Variants in ATP6V1H observed in about 807,000 individuals in gnomAD.
ATP6V1H encodes the protein V-type proton ATPase subunit H.
In ATP6V1H, 39 loss-of-function variants were observed where a neutral mutation model predicts 71.7. The observed-to-expected ratio is 0.54, with a 90% CI of 0.42 to 0.71. The LOEUF (loss-of-function observed/expected upper bound fraction) is 0.71. Ranked by LOEUF, ATP6V1H falls within the 30% of genes least tolerant of loss-of-function variation. The pLI, the probability that ATP6V1H is intolerant of heterozygous loss-of-function variation, is 0.00. For missense variants in ATP6V1H, 509 were observed against 594.9 expected (o/e 0.86, Z 1.50); for synonymous variants, 192 against 199.3 (o/e 0.96, Z 0.31).
intron 13 of ATP6V1H, among the ~76,000 whole-genome samples, chr8:53,723,825 G>A (rs61453862): frequency 0.023 from 3,562 of 152,264 alleles, 108 homozygotes; most frequent in African/African-American, 0.068. Context: ...CTGCCTCACC[G>A]TGGGATGAAC....
intron 8 of ATP6V1H, among the ~76,000 whole-genome samples, chr8:53,796,208 A>C (rs1255347937): frequency 6.6e-6 from 1 of 152,230 alleles, no homozygotes; most frequent in Non-Finnish European, 1.5e-5. Flanking sequence ...GATAGCTTTA[A>C]AATAAAGGAA....
At chr8:53,756,069 CTTTT>C (rs199967847) in intron 12 of ATP6V1H, among the ~76,000 whole-genome samples, 20 of 96,550 alleles carry the variant, frequency 2.1e-4, no homozygotes, top group East Asian at 3.3e-4. Context: ...TTTTTCTTTT[CTTTT>C]TTTTTTTTTT....
chr8:53,746,392 G>A (rs1310535535), intron 12 of ATP6V1H, among the ~76,000 whole-genome samples: 1 of 151,796 alleles, frequency 6.6e-6, no homozygotes, highest in East Asian at 1.9e-4. Flanking sequence ...AGTCTCCCGA[G>A]TAGCTGGGAT....
At chr8:53,832,502 A>C (rs915011818) in intron 3 of ATP6V1H, 1 of 152,090 alleles carries the variant, frequency 6.6e-6, no homozygotes, top group African/African-American at 2.4e-5. Flanking sequence ...GTATGTAAAA[A>C]GACTGTTTAT....
chr8:53,801,851 G>C lies in ATP6V1H; in HGVS notation c.625C>G (p.Leu209Val). 4.3e-6 allele frequency: 7 copies of C among 1,614,004 alleles called. No individual in the cohort carries two copies. Among genetic ancestry groups the C allele is most frequent in the Non-Finnish European group, 5.9e-6 (7 of 1,179,976 alleles). The change falls in exon 8 of 14, where the codon CTC becomes GTC. Residue 209 changes from leucine (L) to valine (V), a missense_variant. Physicochemically the swap from Leu to Val is conservative, Grantham distance 32. Around this residue, in one of 2 missense-constraint regions of ATP6V1H, gnomAD observed 297 missense variants for 303.3 expected, o/e 0.98. Transcript: ENST00000359530. ...GCAAAGCGGTACTCATTGACCCGGA[G>C]CATCAGCTGCAAACACCCGGCCACG... Reference protein sequence around the residue: ...QCVAGCLQLMLRVNEYRFAWV... With the variant: ...QCVAGCLQLMVRVNEYRFAWV...
intron 13 of ATP6V1H, among the ~76,000 whole-genome samples, chr8:53,726,809 C>T (rs1397147648): frequency 1.3e-5 from 2 of 152,152 alleles, no homozygotes; most frequent in African/African-American, 4.8e-5. Context: ...CTATCTGTGG[C>T]ACACAAGATC....
rs1235724703 is a variant in ATP6V1H, at chr8:53,843,032, A to G, written c.-36+2T>C. 6.6e-6 allele frequency: 1 copy of G among 152,238 alleles called. No homozygotes were observed. Among genetic ancestry groups the G allele is most frequent in the Admixed American group, 6.5e-5 (1 of 15,284 alleles). The allele number at this position is 152,238 out of a possible 1,614,324, so 9.4% of individuals were successfully genotyped here. On this transcript the variant is annotated splice_donor_variant, in intron 1 of 13. Transcript: ENST00000359530. LOFTEE classifies it low-confidence loss of function (5UTR_SPLICE). ...GACCAAACAACGCGAGGGCGGCCTTACCTCGCGAATCCTCGGGACCCCACA... is the reference window on the plus strand; with the variant it reads ...GACCAAACAACGCGAGGGCGGCCTTGCCTCGCGAATCCTCGGGACCCCACA...
intron 9 of ATP6V1H, among the ~76,000 whole-genome samples, chr8:53,790,607 T>G (rs1348022776): frequency 1.1e-4 from 16 of 152,206 alleles, no homozygotes. Flanking sequence ...GCTAAGCAAC[T>G]TGGCCAAAGC....
At chr8:53,718,987 A>T (rs1806525920) in intron 13 of ATP6V1H, among the ~76,000 whole-genome samples, 5 of 152,194 alleles carry the variant, frequency 3.3e-5, no homozygotes, top group Admixed American at 3.3e-4. Flanking sequence ...AAAGAAGAAT[A>T]CAATTTCCTC....
chr8:53,812,728 CTG>C (rs1810318558), intron 6 of ATP6V1H, among the ~76,000 whole-genome samples: 1 of 152,170 alleles, frequency 6.6e-6, no homozygotes, highest in African/African-American at 2.4e-5. Context: ...GAGTCTCATA[CTG>C]TCACTCAGGG....
Position 53,769,604 on chromosome 8 carries a change from A to T in ATP6V1H, c.1175+14T>A. ...AACAGATATTAAGAGTGTAAAGTAG[A>T]ACAAAAAACTTACTTCAAGAGTTCA... On this transcript the variant is annotated intron_variant, in intron 11 of 13. Coordinates refer to ENST00000359530, the MANE Select transcript of ATP6V1H (RefSeq NM_015941.4). The T allele has an allele frequency of 1.2e-6, 2 of 1,608,728 alleles. No individual in the cohort carries two copies. Among genetic ancestry groups the T allele is most frequent in the Non-Finnish European group, 1.7e-6 (2 of 1,177,698 alleles).
intron 3 of ATP6V1H, among the ~76,000 whole-genome samples, chr8:53,831,529 T>C (rs1811006597): frequency 6.6e-6 from 1 of 152,152 alleles, no homozygotes; most frequent in East Asian, 1.9e-4. Context: ...CCAAAAACCA[T>C]CTGAAAATGT....
chr8:53,736,531 AG>A (rs1283373629), intron 13 of ATP6V1H, among the ~76,000 whole-genome samples: 1 of 152,246 alleles, frequency 6.6e-6, no homozygotes, highest in Non-Finnish European at 1.5e-5. Context: ...CAAATCATAC[AG>A]TTGAAATAAT....
At chr8:53,833,506 T>C (rs1342044039) in intron 2 of ATP6V1H, among the ~76,000 whole-genome samples, 2 of 151,902 alleles carry the variant, frequency 1.3e-5, no homozygotes, top group Non-Finnish European at 2.9e-5. Flanking sequence ...CCACTTTATA[T>C]GAATTTCTAC....
intron 4 of ATP6V1H, among the ~76,000 whole-genome samples, chr8:53,824,949 A>C (rs1235299950): frequency 6.6e-6 from 1 of 152,110 alleles, no homozygotes; most frequent in African/African-American, 2.4e-5. Flanking sequence ...ACAGAGATCA[A>C]TGACTTTCAT....
At chr8:53,813,396 C>G (rs981918546) in intron 6 of ATP6V1H, among the ~76,000 whole-genome samples, 2 of 152,186 alleles carry the variant, frequency 1.3e-5, no homozygotes, top group African/African-American at 4.8e-5. Flanking sequence ...AAACTAAAAT[C>G]TATTAAAATA....
chr8:53,751,961 C>A (rs553103840), intron 12 of ATP6V1H, among the ~76,000 whole-genome samples: 1 of 152,286 alleles, frequency 6.6e-6, no homozygotes, highest in Admixed American at 6.5e-5. Context: ...AGCCACTGTG[C>A]CCGGCCAATA....
chr8:53,768,755 A>G lies in ATP6V1H; in HGVS notation c.1175+863T>C, dbSNP rs147289475. ...CAGGCAAATCGAGATATTGGTGGTT[A>G]CTTAGGGCTAGGTAGATGGGTGGAT... On this transcript the variant is annotated intron_variant, in intron 11 of 13. Transcript: ENST00000359530. 2.2e-3 allele frequency among the ~76,000 whole-genome samples: 334 copies of G among 152,274 alleles called. 2 individuals are homozygous for G. The highest frequency in any genetic ancestry group is 7.8e-3 in the African/African-American group (323 of 41,578).
intron 10 of ATP6V1H, among the ~76,000 whole-genome samples, chr8:53,771,428 G>C (rs112144334): frequency 1.3e-4 from 20 of 152,196 alleles, no homozygotes; most frequent in African/African-American, 4.3e-4. Context: ...GTGGGTTGTA[G>C]GGGGCAGGCA....
Sources: allele counts gnomAD v4.1 joint callset (sites outside exome capture counted in the v4.1 genomes callset), GRCh38; gene constraint gnomAD v4.1.1; regional missense constraint gnomAD v4.1.1; transcripts MANE v1.5; gene names NCBI Gene and HGNC (gene_info 2026-07-23, HGNC 2026-07-21).